The following MARK1 variants were observed in gnomAD, a reference collection of about 807,000 sequenced individuals.
MARK1 encodes the protein microtubule affinity regulating kinase 1, also known as serine/threonine-protein kinase MARK1.
MARK1 carries 40 observed loss-of-function variants against 96.3 expected under a neutral mutation model. The observed-to-expected ratio is 0.42, with a 90% CI of 0.32 to 0.54. The LOEUF is 0.54. Among genes scored for constraint, MARK1 ranks in the 20% least tolerant of loss-of-function variants. The pLI is 0.16. For missense variants in MARK1, 719 were observed against 984.6 expected, an observed-to-expected ratio of 0.73 and a Z score of 3.61; for synonymous variants, 317 against 341.2, an observed-to-expected ratio of 0.93 and a Z score of 0.78.
intron 13 of MARK1, 27 bp downstream of exon 13, chr1:220,636,053 A>G (rs746097555): frequency 8.2e-6 from 12 of 1,455,814 alleles, no homozygotes; most frequent in East Asian, 7.3e-5. Flanking sequence ...GTATATTGCA[A>G]TTTATTGTAA....
intron 9 of MARK1, chr1:220,625,791 G>A (rs1034078051): frequency 4.4e-6 from 2 of 454,896 alleles, no homozygotes; most frequent in South Asian, 1.7e-5. Flanking sequence ...CTACGACGGG[G>A]ATGTTGGAAA....
At chr1:220,567,211 A>G (rs1231737528) in intron 1 of MARK1, among the ~76,000 whole-genome samples, 1 of 152,180 alleles carries the variant, frequency 6.6e-6, no homozygotes, top group African/African-American at 2.4e-5. Flanking sequence ...ACCTATGGAC[A>G]TATTTAACCA....
Position 220,635,436 on chromosome 1 carries a change from G to A in MARK1, c.1183G>A (p.Asp395Asn), listed in dbSNP as rs1373261458. ...NLCQRSRPSS[D>N]LNNSTLQSPA... ...GTGTCAGAGGTCCCGGCCCAGTAGT[G>A]ACTTAAACAACAGCACTCTTCAGTC... is the stretch of plus-strand genomic sequence containing the variant. Residue 395 changes from aspartate (D) to asparagine (N), a missense_variant, in exon 12 of 18, where the codon GAC (aspartate) becomes AAC (asparagine). Asp to Asn is a conservative substitution (Grantham distance 23). Coordinates refer to ENST00000366917, the MANE Select transcript of MARK1 (RefSeq NM_018650.5). 1 of 1,612,592 alleles carries A rather than the reference G, an allele frequency of 6.2e-7. No individual in the cohort carries two copies. Among genetic ancestry groups the A allele is most frequent in the Admixed American group, 1.7e-5 (1 of 59,678 alleles).
At chr1:220,639,666 T>A (rs1668162584) in intron 13 of MARK1, among the ~76,000 whole-genome samples, 1 of 152,202 alleles carries the variant, frequency 6.6e-6, no homozygotes, top group African/African-American at 2.4e-5. Context: ...CATGACACAG[T>A]CACCCTTGGT....
chr1:220,653,426 T>C, intron 16 of MARK1, 74 bp downstream of exon 16: 1 of 1,424,342 alleles, frequency 7.0e-7, no homozygotes. Flanking sequence ...TAAAAAAATC[T>C]TTATAATAAT....
At chr1:220,541,765 T>C (rs1661166790) in intron 1 of MARK1, among the ~76,000 whole-genome samples, 1 of 152,242 alleles carries the variant, frequency 6.6e-6, no homozygotes, top group African/African-American at 2.4e-5. Context: ...TTTTAGCCTG[T>C]GGGTGTCCTT....
intron 1 of MARK1, among the ~76,000 whole-genome samples, chr1:220,546,409 C>T (rs1478738096): frequency 6.6e-6 from 1 of 152,042 alleles, no homozygotes; most frequent in Non-Finnish European, 1.5e-5. Flanking sequence ...AGTAGAGTTT[C>T]TCTAGATTTA....
intron 6 of MARK1, among the ~76,000 whole-genome samples, chr1:220,605,847 T>C (rs549188146): frequency 2.0e-5 from 3 of 152,184 alleles, no homozygotes; most frequent in Non-Finnish European, 4.4e-5. Flanking sequence ...CAGAAACTTA[T>C]CCTTTTTTAT....
chr1:220,552,500 A>T (rs540535601), intron 1 of MARK1, among the ~76,000 whole-genome samples: 21 of 152,314 alleles, frequency 1.4e-4, no homozygotes, highest in Admixed American at 1.2e-3. Flanking sequence ...TTGTTTTATC[A>T]AGACAGCTGC....
At chr1:220,627,968 G>A (rs566802285) in intron 9 of MARK1, 19 of 152,244 alleles carry the variant, frequency 1.2e-4, no homozygotes, top group African/African-American at 4.1e-4. Context: ...GCAGGTGGAG[G>A]TTGGTGGTCT....
chr1:220,566,507 T>C (rs1663068977), intron 1 of MARK1, among the ~76,000 whole-genome samples: 1 of 152,146 alleles, frequency 6.6e-6, no homozygotes, highest in African/African-American at 2.4e-5. Context: ...AAACCGTTGC[T>C]GGGGTTTTTT....
At chr1:220,565,564 G>A (rs1451864871) in intron 1 of MARK1, among the ~76,000 whole-genome samples, 2 of 152,088 alleles carry the variant, frequency 1.3e-5, no homozygotes, top group Non-Finnish European at 2.9e-5. Flanking sequence ...TATGAAGAGC[G>A]GGGGTCGGGG....
chr1:220,539,133 C>T (rs1435124407), intron 1 of MARK1, among the ~76,000 whole-genome samples: 3 of 151,098 alleles, frequency 2.0e-5, no homozygotes, highest in Admixed American at 6.6e-5. Flanking sequence ...GAGAGGGCAT[C>T]CCTGTCTTGT....
chr1:220,605,990 T>C (rs1209739748), intron 6 of MARK1, among the ~76,000 whole-genome samples: 1 of 152,218 alleles, frequency 6.6e-6, no homozygotes, highest in Non-Finnish European at 1.5e-5. Flanking sequence ...TGCATGTGTC[T>C]TTATAGTAGC....
At chr1:220,583,814 A>ATTTTTTTTTTTTTTT (rs34848222) in intron 3 of MARK1, among the ~76,000 whole-genome samples, 9 of 105,204 alleles carry the variant, frequency 8.6e-5, no homozygotes, top group East Asian at 3.0e-4. Context: ...TGCCTGGCTA[A>ATTTTTTTTTTTTTTT]TTTTTTTTTT....
At chr1:220,540,956 T>C (rs1438468283) in intron 1 of MARK1, among the ~76,000 whole-genome samples, 1 of 151,942 alleles carries the variant, frequency 6.6e-6, no homozygotes, top group African/African-American at 2.4e-5. Context: ...TTGTTTGAGA[T>C]AGAGTCTTGC....
intron 6 of MARK1, among the ~76,000 whole-genome samples, chr1:220,608,947 A>G (rs1487633683): frequency 6.6e-6 from 1 of 152,138 alleles, no homozygotes; most frequent in African/African-American, 2.4e-5. Flanking sequence ...CTGTTCTTTT[A>G]CATTTGCTGA....
chr1:220,597,846 T>C (rs1348329542), intron 3 of MARK1, among the ~76,000 whole-genome samples: 1 of 152,208 alleles, frequency 6.6e-6, no homozygotes, highest in Non-Finnish European at 1.5e-5. Context: ...TGTTCTTTAA[T>C]GTTATTCTAC....
At chr1:220,634,396 C>T (rs1286632254) in intron 11 of MARK1, among the ~76,000 whole-genome samples, 2 of 152,162 alleles carry the variant, frequency 1.3e-5, no homozygotes, top group Non-Finnish European at 2.9e-5. Context: ...ACCCCCACCC[C>T]TGCCCTACCC....
Sources: allele counts gnomAD v4.1 joint callset (sites outside exome capture counted in the v4.1 genomes callset), GRCh38; gene constraint gnomAD v4.1.1; transcripts MANE v1.5; gene names NCBI Gene and HGNC (gene_info 2026-07-23, HGNC 2026-07-21).